SDK1: variants seen among roughly 807,000 people sequenced by gnomAD.
The protein encoded by SDK1 is sidekick cell adhesion molecule 1.
In SDK1, 157 loss-of-function variants were observed where a neutral mutation model predicts 245.5. The ratio of observed to expected loss-of-function variants is 0.64; its 90% CI spans 0.56 to 0.73. The LOEUF (loss-of-function observed/expected upper bound fraction) is 0.73, where lower values mean the gene tolerates loss of function less well. Among genes scored for constraint, SDK1 ranks in the 30% least tolerant of loss-of-function variants. The pLI is 0.00. For synonymous variants in SDK1, 1,647 were observed against 1,278.5 expected (o/e 1.29, Z -6.15); for missense variants, 3,583 against 3,002.3 (o/e 1.19, Z -4.52).
intron 1 of SDK1, among the ~76,000 whole-genome samples, chr7:3,308,623 G>C (rs1290293122): frequency 2.0e-5 from 3 of 152,128 alleles, no homozygotes; most frequent in African/African-American, 7.2e-5. Flanking sequence ...AGTTTCTGCA[G>C]TGTTTTTGGC....
chr7:4,227,360 T>G (rs1480863231), intron 40 of SDK1: 1 of 470,862 alleles, frequency 2.1e-6, no homozygotes, highest in African/African-American at 2.0e-5. Context: ...CAACACGGGC[T>G]TTCTTCGTCA....
chr7:3,538,219 A>G (rs927332482), intron 1 of SDK1, among the ~76,000 whole-genome samples: 1 of 152,146 alleles, frequency 6.6e-6, no homozygotes, highest in African/African-American at 2.4e-5. Flanking sequence ...TGTTTGTCCC[A>G]TTGCCAACTG....
rs1021276101 is a variant in SDK1 at position 3,830,512 on chromosome 7, T to G, written c.847+8929T>G. On this transcript the variant is annotated intron_variant, in intron 5 of 44. Transcript: ENST00000404826. ...ATTTTGTTTTGTTTTGTTTTGTTTTTGGAGACAGGGTCTTGCTCTGTCACC... is the reference window on the plus strand; with the variant it reads ...ATTTTGTTTTGTTTTGTTTTGTTTTGGGAGACAGGGTCTTGCTCTGTCACC... Among the ~76,000 whole-genome samples the G allele has an allele frequency of 2.6e-5, 4 of 152,262 alleles. No individual in the cohort carries two copies. The South Asian group carries it at 8.3e-4, about 32-fold the overall frequency.
intron 1 of SDK1, among the ~76,000 whole-genome samples, chr7:3,487,324 T>A (rs1781730821): frequency 6.6e-6 from 1 of 152,200 alleles, no homozygotes; most frequent in Non-Finnish European, 1.5e-5. Flanking sequence ...GTATTCTCCC[T>A]TTTGAATCAC....
chr7:4,000,401 C>A (rs959632545), intron 14 of SDK1, among the ~76,000 whole-genome samples: 21 of 152,174 alleles, frequency 1.4e-4, no homozygotes, highest in Admixed American at 1.4e-3. Flanking sequence ...TGGGCCAAGA[C>A]TAGCTTTTGG....
chr7:3,828,662 TTTTG>T lies in SDK1; in HGVS notation c.847+7083_847+7086del, dbSNP rs572981729. 7.8e-3 allele frequency among the ~76,000 whole-genome samples: 283 copies of T among 36,340 alleles called. 10 individuals carry two copies. Among genetic ancestry groups the T allele is most frequent in the African/African-American group, 0.022 (201 of 8,958 alleles). The allele number at this position is 36,340 out of a possible 152,430, so 23.8% of individuals were successfully genotyped here. On this transcript the variant is annotated intron_variant, in intron 5 of 44. Transcript: ENST00000404826. ...GAATTTTTTGTTCTTTTTTTTTTTT[TTTTG>T]TTTTTTTGACACAAGGACTCTGTCA...
At chr7:4,216,631 A>G (rs1041359219) in intron 38 of SDK1, among the ~76,000 whole-genome samples, 3 of 152,212 alleles carry the variant, frequency 2.0e-5, no homozygotes, top group Non-Finnish European at 2.9e-5. Context: ...TGATGACAAA[A>G]TATTTTAAAA....
chr7:3,441,865 A>G (rs1311006221), intron 1 of SDK1, among the ~76,000 whole-genome samples: 1 of 152,208 alleles, frequency 6.6e-6, no homozygotes, highest in African/African-American at 2.4e-5. Context: ...AGTGATACTT[A>G]GGGTACCTTG....
chr7:4,087,497 A>ACACACG (rs1781502445), intron 22 of SDK1, among the ~76,000 whole-genome samples: 2 of 151,436 alleles, frequency 1.3e-5, no homozygotes, highest in Non-Finnish European at 2.9e-5. Flanking sequence ...ACACACACAC[A>ACACACG]CGCATTGCTT....
intron 41 of SDK1, among the ~76,000 whole-genome samples, chr7:4,234,983 G>T (rs1786059341): frequency 1.3e-5 from 2 of 152,182 alleles, no homozygotes; most frequent in African/African-American, 4.8e-5. Context: ...TTGAGCTACT[G>T]ACTGCACTTG....
intron 40 of SDK1, among the ~76,000 whole-genome samples, chr7:4,224,817 C>T (rs184629802): frequency 2.3e-3 from 345 of 151,422 alleles, no homozygotes; most frequent in Non-Finnish European, 3.5e-3. Context: ...CCAGTCTGTA[C>T]TACAAATAGA....
chr7:3,773,956 T>A (rs147452828), intron 4 of SDK1, among the ~76,000 whole-genome samples: 1 of 152,170 alleles, frequency 6.6e-6, no homozygotes, highest in Non-Finnish European at 1.5e-5. Context: ...GGCTCATGCC[T>A]GTAATCCCAG....
At chr7:3,572,261 G>T (rs1221073491) in intron 1 of SDK1, among the ~76,000 whole-genome samples, 1 of 151,984 alleles carries the variant, frequency 6.6e-6, no homozygotes, top group East Asian at 1.9e-4. Flanking sequence ...CCTTTAGTTT[G>T]TTTAATGGAA....
chr7:3,716,163 G>T (rs1008133673), intron 4 of SDK1, among the ~76,000 whole-genome samples: 1 of 148,986 alleles, frequency 6.7e-6, no homozygotes, highest in Non-Finnish European at 1.5e-5. Context: ...TGTAACCAAA[G>T]ATCTAACTTT....
chr7:3,856,558 A>C (rs960083693), intron 5 of SDK1, among the ~76,000 whole-genome samples: 4 of 150,560 alleles, frequency 2.7e-5, no homozygotes, highest in African/African-American at 9.8e-5. Context: ...TGGGAGGCCG[A>C]GGCAGGTGGA....
intron 5 of SDK1, among the ~76,000 whole-genome samples, chr7:3,876,976 A>G (rs770928425): frequency 1.3e-5 from 2 of 152,226 alleles, no homozygotes; most frequent in Non-Finnish European, 2.9e-5. Flanking sequence ...TTATGCTAAG[A>G]TAAATACCTT....
rs1313770488 is a variant in SDK1, at chr7:3,714,439, G to C, written c.713+72334G>C. On this transcript the variant is annotated intron_variant, in intron 4 of 44. Coordinates refer to ENST00000404826, the MANE Select transcript of SDK1 (RefSeq NM_152744.4). ...CAATTACCTGTTTAAATATGAACTA[G>C]TTATTCGCCCTTCCAGAGTCTCAGT... Among the ~76,000 whole-genome samples the C allele has an allele frequency of 2.0e-5, 3 of 152,116 alleles. No individual in the cohort carries two copies. In the East Asian group the frequency reaches 5.8e-4, roughly 29 times the overall value.
intron 14 of SDK1, among the ~76,000 whole-genome samples, chr7:3,993,273 C>T (rs1784478077): frequency 6.6e-6 from 1 of 152,166 alleles, no homozygotes; most frequent in African/African-American, 2.4e-5. Flanking sequence ...TTTCCTTGGG[C>T]TGGACAAAGG....
In SDK1 at chr7:3,472,119, G is replaced by T. The variant is rs186072228; in HGVS notation, c.299-146961G>T. Among the ~76,000 whole-genome samples the T allele has an allele frequency of 2.2e-4, 33 of 152,212 alleles. 1 individual carries two copies. In the East Asian group the frequency reaches 5.6e-3, roughly 26 times the overall value. ...CCTTTATCTGTGTCTCCTTCCCACTGTGTTGTGGGTTGGTAAATGCATAGT... is the reference window on the plus strand; with the variant it reads ...CCTTTATCTGTGTCTCCTTCCCACTTTGTTGTGGGTTGGTAAATGCATAGT... On this transcript the variant is annotated intron_variant, in intron 1 of 44. Transcript: ENST00000404826.
Sources: gnomAD v4.1 joint callset for allele counts (sites outside exome capture counted in the v4.1 genomes callset) on GRCh38, gnomAD v4.1.1 for gene constraint, MANE v1.5 for transcripts, NCBI Gene and HGNC (gene_info 2026-07-23, HGNC 2026-07-21) for gene names.